NEMF: variants seen among roughly 807,000 people sequenced by gnomAD.
NEMF encodes the protein nuclear export mediator factor.
In NEMF, 89 loss-of-function variants were observed where a neutral mutation model predicts 162.2. The observed-to-expected ratio is 0.55, with a 90% confidence interval of 0.46 to 0.65. The LOEUF (loss-of-function observed/expected upper bound fraction) is 0.65, where lower values mean the gene tolerates loss of function less well. Among genes scored for constraint, NEMF ranks in the 30% least tolerant of loss-of-function variants. The pLI is 0.00. For missense variants in NEMF, 1,133 were observed against 1,261.9 expected, an observed-to-expected ratio of 0.90 and a Z score of 1.55; for synonymous variants, 421 against 404.5, an observed-to-expected ratio of 1.04 and a Z score of -0.49.
chr14:49,782,556 A>G lies in NEMF; in HGVS notation c.*2080T>C, dbSNP rs1248315600. The stretch of plus-strand genomic sequence containing the variant: ...TTATTTTTCAGGCACACAGTAATGA[A>G]ATACTAATATTTTCAGTTCAACCAA... On this transcript the variant is annotated 3_prime_UTR_variant, in exon 33 of 33. Transcript: ENST00000298310. 6.2e-7 allele frequency: 1 copy of G among 1,607,708 alleles called. No individual in the cohort carries two copies. Among genetic ancestry groups the G allele is most frequent in the Admixed American group, 1.7e-5 (1 of 59,422 alleles).
intron 3 of NEMF, among the ~76,000 whole-genome samples, chr14:49,848,485 A>AT (rs1893619042): frequency 6.6e-6 from 1 of 152,116 alleles, no homozygotes; most frequent in South Asian, 2.1e-4. Context: ...ATTGTTTCTA[A>AT]TTTTTTAATA....
chr14:49,788,186 G>C (rs1045011695), intron 28 of NEMF, among the ~76,000 whole-genome samples: 1 of 144,722 alleles, frequency 6.9e-6, no homozygotes, highest in Non-Finnish European at 1.5e-5. Flanking sequence ...GGCTGAGGCC[G>C]GATAATTGCT....
In NEMF at chr14:49,833,416, G is replaced by T; in HGVS notation, c.735+7C>A. 1.3e-6 allele frequency: 2 copies of T among 1,558,358 alleles called. No homozygotes were observed. The highest frequency in any genetic ancestry group is 8.8e-7 in the Non-Finnish European group (1 of 1,139,330). On this transcript the variant is annotated splice_region_variant and intron_variant, in intron 8 of 32. Transcript: ENST00000298310. ...CAACAATATATAGTAAGTATACATG[G>T]TGCTACCTTCCCACTGAAGTTGGAT...
chr14:49,848,867 A>T lies in NEMF; in HGVS notation c.232-2602T>A, dbSNP rs540968468. Among the ~76,000 whole-genome samples the T allele has an allele frequency of 5.3e-5, 8 of 151,648 alleles. No homozygotes were observed. The East Asian group carries it at 1.5e-3, about 29-fold the overall frequency. ...AAAAAAAAAAAAAGACTTAAATACG[A>T]AACAAATTTTACAGAAGTTAATCTA... On this transcript the variant is annotated intron_variant, in intron 3 of 32. Transcript: ENST00000298310.
chr14:49,807,946 A>T (rs1891298653), intron 18 of NEMF, among the ~76,000 whole-genome samples: 1 of 152,000 alleles, frequency 6.6e-6, no homozygotes. Flanking sequence ...ATAACTGATG[A>T]TACTGAGAAT....
In NEMF at chr14:49,785,132, A is replaced by G. The variant is rs766285575; in HGVS notation, c.3033T>C (p.Tyr1011=). 1.7e-5 allele frequency: 28 copies of G among 1,605,754 alleles called. No homozygotes were observed. The highest frequency in any genetic ancestry group is 1.7e-4 in the Middle Eastern group (1 of 6,040). The change falls in exon 31 of 33, where the codon TAT becomes TAC. Residue 1011 remains tyrosine (Y), a synonymous_variant. Coordinates refer to ENST00000298310, the MANE Select transcript of NEMF (RefSeq NM_004713.6). ...GCACTCCAGGAGTAAGTTTCACTTT[A>G]TATCTTTAAAAAGGAATTACATGTG... is the stretch of plus-strand genomic sequence containing the variant. The part of the protein sequence containing the change: ...APYTTMTNYK[Y]KVKLTPGVQK...
chr14:49,812,076 T>G (rs779934400), intron 18 of NEMF, among the ~76,000 whole-genome samples: 5 of 152,210 alleles, frequency 3.3e-5, no homozygotes, highest in Non-Finnish European at 5.9e-5. Context: ...TGTTTTTCTT[T>G]ATTATTAATC....
intron 15 of NEMF, 120 bp from the exon 16 acceptor site, chr14:49,826,075 C>T: frequency 1.7e-6 from 1 of 595,056 alleles, no homozygotes; most frequent in Non-Finnish European, 3.0e-6. Flanking sequence ...TACACACACA[C>T]ACACAAACAC....
At chr14:49,844,508 G>T (rs1409493779) in intron 4 of NEMF, among the ~76,000 whole-genome samples, 1 of 152,124 alleles carries the variant, frequency 6.6e-6, no homozygotes, top group African/African-American at 2.4e-5. Context: ...CACTTACCAT[G>T]AATGGAGCAT....
At position 49,828,310 on chromosome 14, in the gene NEMF, G is replaced by T; in HGVS notation, c.1469C>A (p.Thr490Asn). 1 of 1,605,696 alleles carries T rather than the reference G, an allele frequency of 6.2e-7. No individual in the cohort carries two copies. Among genetic ancestry groups the T allele is most frequent in the Non-Finnish European group, 8.5e-7 (1 of 1,174,394 alleles). Reference protein sequence around the residue: ...KRYAAKKTQKTVEAAEKAFKS... With the variant: ...KRYAAKKTQKNVEAAEKAFKS... ...CAGTACCTTCTCAGCAGCTTCAACAGTCTTTTGTGTTTTCTTAGCAGCATA... is the reference window on the plus strand; with the variant it reads ...CAGTACCTTCTCAGCAGCTTCAACATTCTTTTGTGTTTTCTTAGCAGCATA... The change falls in exon 15 of 33, where the codon ACT (threonine) becomes AAT (asparagine). Residue 490 changes from threonine to asparagine, a missense_variant. This residue lies in a region of NEMF where 582 missense variants were observed against 631.5 expected (regional missense o/e 0.92). Coordinates refer to ENST00000298310, the MANE Select transcript of NEMF (RefSeq NM_004713.6).
intron 11 of NEMF, 60 bp from the exon 12 acceptor site, chr14:49,829,486 C>T: frequency 7.4e-7 from 1 of 1,342,984 alleles, no homozygotes; most frequent in Non-Finnish European, 1.0e-6. Context: ...TGACATCCCT[C>T]TCTTACTTCC....
chr14:49,790,398 C>A (rs1480009059), intron 26 of NEMF, among the ~76,000 whole-genome samples: 1 of 152,006 alleles, frequency 6.6e-6, no homozygotes, highest in Non-Finnish European at 1.5e-5. Flanking sequence ...AGAGGATACA[C>A]AAAGGTCCAA....
intron 18 of NEMF, among the ~76,000 whole-genome samples, chr14:49,813,059 G>C (rs1256157485): frequency 6.6e-6 from 1 of 152,138 alleles, no homozygotes; most frequent in Non-Finnish European, 1.5e-5. Context: ...ACAGGTGTGA[G>C]TCACCGCATC....
At chr14:49,788,669 C>G (rs1890298465) in intron 28 of NEMF, among the ~76,000 whole-genome samples, 1 of 151,624 alleles carries the variant, frequency 6.6e-6, no homozygotes, top group Non-Finnish European at 1.5e-5. Context: ...GCTATTCTGC[C>G]TCAGCCTCCC....
intron 11 of NEMF, among the ~76,000 whole-genome samples, chr14:49,830,005 T>C (rs1594784109): frequency 1.3e-5 from 2 of 152,224 alleles, no homozygotes; most frequent in African/African-American, 2.4e-5. Context: ...AGAAACTTTT[T>C]CCCCTAAATT....
intron 14 of NEMF, 45 bp from the exon 15 acceptor site, chr14:49,828,399 C>A: frequency 8.0e-7 from 1 of 1,256,882 alleles, no homozygotes; most frequent in South Asian, 1.3e-5. Flanking sequence ...AATATTTATT[C>A]TTCAGTTTTC....
At chr14:49,809,445 A>C (rs1891367023) in intron 18 of NEMF, among the ~76,000 whole-genome samples, 1 of 152,174 alleles carries the variant, frequency 6.6e-6, no homozygotes, top group Non-Finnish European at 1.5e-5. Context: ...GGTTGGGGGA[A>C]GGGAGGGATG....
At chr14:49,816,394 C>T (rs1261005545) in intron 16 of NEMF, among the ~76,000 whole-genome samples, 2 of 152,178 alleles carry the variant, frequency 1.3e-5, no homozygotes, top group Non-Finnish European at 2.9e-5. Context: ...TGTCCTGTTT[C>T]CTCAGAAGCA....
rs1307880546 is a variant in NEMF, at chr14:49,789,523, G to C, written c.2670C>G (p.Asp890Glu). 1.2e-6 allele frequency: 2 copies of C among 1,612,390 alleles called. No homozygotes were observed. The highest frequency in any genetic ancestry group is 1.3e-5 in the African/African-American group (1 of 74,822). ...KEKYKDQDEE[D>E]RELIMKLLGS... is the part of the protein sequence containing the mutation. ...CCAGCAACTTCATGATAAGTTCACGGTCTTCTTCATCCTGGTCTTTGTATT... is the reference window on the plus strand; with the variant it reads ...CCAGCAACTTCATGATAAGTTCACGCTCTTCTTCATCCTGGTCTTTGTATT... Residue 890 changes from aspartate (D) to glutamate (E), a missense_variant, in exon 27 of 33, where the codon GAC (aspartate) becomes GAG (glutamate). By Grantham distance (45) the Asp-to-Glu change is conservative (BLOSUM62 2). Around this residue, in one of 3 missense-constraint regions of NEMF, gnomAD observed 532 missense variants for 578.6 expected, o/e 0.92. Transcript: ENST00000298310.
Sources: allele counts gnomAD v4.1 joint callset (sites outside exome capture counted in the v4.1 genomes callset), GRCh38; gene constraint gnomAD v4.1.1; regional missense constraint gnomAD v4.1.1; transcripts MANE v1.5; gene names NCBI Gene and HGNC (gene_info 2026-07-23, HGNC 2026-07-21).